The following TFDP2 variants were observed in gnomAD, a reference collection of about 807,000 sequenced individuals.
TFDP2 encodes the protein transcription factor Dp-2 (E2F dimerization partner 2).
TFDP2 carries 17 observed loss-of-function variants against 59.3 expected under a neutral mutation model. The ratio of observed to expected loss-of-function variants is 0.29; its 90% CI spans 0.20 to 0.43. The LOEUF (loss-of-function observed/expected upper bound fraction) is 0.43, where lower values mean the gene tolerates loss of function less well. Ranked by LOEUF, TFDP2 falls within the 20% of genes least tolerant of loss-of-function variation. The pLI is 1.00. For synonymous variants in TFDP2, 180 were observed against 194.7 expected, an observed-to-expected ratio of 0.92 and a Z score of 0.63; for missense variants, 391 against 528.8, an observed-to-expected ratio of 0.74 and a Z score of 2.56.
Position 142,093,129 on chromosome 3 carries a change from T to C in TFDP2, c.16-2A>G. The C allele has an allele frequency of 6.5e-7, 1 of 1,534,248 alleles. No homozygotes were observed. Among genetic ancestry groups the C allele is most frequent in the Non-Finnish European group, 8.7e-7 (1 of 1,146,788 alleles). Reference sequence around the variant, plus strand: ...TGCATTTGTGGAAGTCAAACCAACCTGAATAAAACCGTTTAAAAAGTTAAA... The same window carrying C: ...TGCATTTGTGGAAGTCAAACCAACCCGAATAAAACCGTTTAAAAAGTTAAA... On this transcript the variant is annotated splice_acceptor_variant, in intron 2 of 12. Transcript: ENST00000489671. LOFTEE classifies it high-confidence loss of function.
chr3:142,101,356 C>CAAA (rs529718660), intron 2 of TFDP2, among the ~76,000 whole-genome samples: 1 of 85,960 alleles, frequency 1.2e-5, no homozygotes, highest in Non-Finnish European at 2.5e-5. Context: ...CCTGAGTAAC[C>CAAA]AAAAAAAAAA....
intron 2 of TFDP2, chr3:142,093,876 T>C: frequency 7.1e-6 from 3 of 420,470 alleles, no homozygotes; most frequent in East Asian, 6.9e-5. Context: ...CAGGTTGTTA[T>C]AAAGACTAAA....
Position 142,049,942 on chromosome 3 carries a change from CA to C in TFDP2, c.82+43118del, listed in dbSNP as rs778460062. ...AATAGATTGCTGAAACTATAGAAGA[CA>C]AATTAATGGAGAGAAAAAACATGTT... On this transcript the variant is annotated intron_variant, in intron 3 of 12. Transcript: ENST00000489671. 6.6e-5 allele frequency among the ~76,000 whole-genome samples: 10 copies of C among 152,084 alleles called. No homozygotes were observed. In the East Asian group the frequency reaches 1.4e-3, roughly 21 times the overall value.
At chr3:142,107,782 GTTC>G (rs1158744210) in intron 1 of TFDP2, among the ~76,000 whole-genome samples, 3 of 151,998 alleles carry the variant, frequency 2.0e-5, no homozygotes, top group Non-Finnish European at 4.4e-5. Context: ...CAGCAAAAGT[GTTC>G]TTAACTACTA....
At chr3:141,993,451 C>T in intron 6 of TFDP2, 87 bp downstream of exon 6, 1 of 761,530 alleles carries the variant, frequency 1.3e-6, no homozygotes, top group Non-Finnish European at 2.1e-6. Flanking sequence ...TGAAGAAAAA[C>T]ATCGCATTAA....
intron 3 of TFDP2, among the ~76,000 whole-genome samples, chr3:142,076,210 C>CAAAAAA (rs56018016): frequency 4.5e-5 from 5 of 112,120 alleles, no homozygotes; most frequent in Non-Finnish European, 5.6e-5. Context: ...GACTCCGTCT[C>CAAAAAA]AAAAAAAAAA....
chr3:142,039,401 T>G (rs949177016), intron 3 of TFDP2, among the ~76,000 whole-genome samples: 2 of 152,172 alleles, frequency 1.3e-5, no homozygotes, highest in Non-Finnish European at 2.9e-5. Flanking sequence ...GTTGTTGTTG[T>G]TTTGAGACAG....
In TFDP2 at chr3:141,978,214, G is replaced by A. The variant is rs546592660; in HGVS notation, c.519+306C>T. Among the ~76,000 whole-genome samples, 12 of 151,718 alleles carry A rather than the reference G, an allele frequency of 7.9e-5. No individual in the cohort carries two copies. In the East Asian group the frequency reaches 2.2e-3, roughly 28 times the overall value. Reference sequence around the variant, plus strand: ...ACAAAAATTGGCTGGGAATGGTGGTGTGCGCCTGTAATCCCAGCTACGCGG... The same window carrying A: ...ACAAAAATTGGCTGGGAATGGTGGTATGCGCCTGTAATCCCAGCTACGCGG... On this transcript the variant is annotated intron_variant, in intron 7 of 12. Coordinates refer to ENST00000489671, the MANE Select transcript of TFDP2 (RefSeq NM_001178139.2).
rs138042656 is a variant in TFDP2 at position 142,069,891 on chromosome 3, G to A, written c.82+23170C>T. Reference sequence around the variant, plus strand: ...CTCAAAGTTCTGGGATTACAGGCTTGAGCCACCACGCCTGGCCTTTTTTCT... The same window carrying A: ...CTCAAAGTTCTGGGATTACAGGCTTAAGCCACCACGCCTGGCCTTTTTTCT... On this transcript the variant is annotated intron_variant, in intron 3 of 12. Transcript: ENST00000489671. Among the ~76,000 whole-genome samples, 607 of 151,666 alleles carry A rather than the reference G, an allele frequency of 4.0e-3. 4 individuals are homozygous for A. Among genetic ancestry groups the A allele is most frequent in the Non-Finnish European group, 3.6e-3 (247 of 67,910 alleles).
intron 7 of TFDP2, among the ~76,000 whole-genome samples, chr3:141,976,356 T>C (rs1423333577): frequency 6.6e-6 from 1 of 152,188 alleles, no homozygotes; most frequent in Non-Finnish European, 1.5e-5. Flanking sequence ...ACTGAAGAAC[T>C]GAGACTACAA....
intron 3 of TFDP2, among the ~76,000 whole-genome samples, chr3:142,024,028 G>A (rs1945875634): frequency 6.6e-6 from 1 of 151,994 alleles, no homozygotes; most frequent in African/African-American, 2.4e-5. Context: ...TTGAACTCCT[G>A]AGTTAAAGTG....
intron 3 of TFDP2, among the ~76,000 whole-genome samples, chr3:142,043,325 G>A (rs1004423250): frequency 1.3e-5 from 2 of 151,898 alleles, no homozygotes; most frequent in Non-Finnish European, 2.9e-5. Context: ...GGGATTACAG[G>A]CGTGAGCCAC....
chr3:142,062,429 A>T (rs182708432), intron 3 of TFDP2, among the ~76,000 whole-genome samples: 1 of 127,120 alleles, frequency 7.9e-6, no homozygotes, highest in African/African-American at 2.8e-5. Context: ...GTGTGTGTGT[A>T]TATATATAGT....
intron 1 of TFDP2, among the ~76,000 whole-genome samples, chr3:142,148,453 G>T (rs975749219): frequency 6.6e-6 from 1 of 152,150 alleles, no homozygotes; most frequent in Non-Finnish European, 1.5e-5. Flanking sequence ...AATACGTGGA[G>T]GATTTTCTTA....
intron 3 of TFDP2, among the ~76,000 whole-genome samples, chr3:142,018,536 T>C (rs115573618): frequency 0.07 from 10,581 of 151,920 alleles, 472 homozygotes; most frequent in Non-Finnish European, 0.11. Flanking sequence ...AATCACAGCT[T>C]ACTGCAGCCT....
chr3:142,074,186 A>T (rs2060358817), intron 3 of TFDP2, among the ~76,000 whole-genome samples: 1 of 151,184 alleles, frequency 6.6e-6, no homozygotes, highest in Non-Finnish European at 1.5e-5. Context: ...GGGCGGGTGG[A>T]TCACCTGAGG....
chr3:142,034,702 A>G (rs2108424609), intron 3 of TFDP2, among the ~76,000 whole-genome samples: 1 of 143,480 alleles, frequency 7.0e-6, no homozygotes, highest in South Asian at 2.3e-4. Flanking sequence ...TACTATTACA[A>G]CAATCTTCTC....
rs1307213469 is a variant in TFDP2 at position 141,950,684 on chromosome 3, TA to T, written c.*1828del. 2 of 152,622 alleles carry T rather than the reference TA, an allele frequency of 1.3e-5. No homozygotes were observed. Among genetic ancestry groups the T allele is most frequent in the East Asian group, 3.9e-4 (2 of 5,178 alleles). 9.5% of individuals were successfully genotyped at this position (152,622 alleles called of 1,614,324 possible). A position where few individuals can be genotyped will look rare whatever the true frequency, so the allele number is the denominator to read the frequency against. Reference sequence around the variant, plus strand: ...CAGAGATGAGAAAGGGTGGAGTTAGTAAAAGAGGAGGCTGCCCCTTAAAGGA... The same window carrying T: ...CAGAGATGAGAAAGGGTGGAGTTAGTAAAGAGGAGGCTGCCCCTTAAAGGA... On this transcript the variant is annotated 3_prime_UTR_variant, in exon 13 of 13. Transcript: ENST00000489671.
chr3:142,031,250 G>A (rs1168929207), intron 3 of TFDP2, among the ~76,000 whole-genome samples: 1 of 152,214 alleles, frequency 6.6e-6, no homozygotes, highest in African/African-American at 2.4e-5. Context: ...TGTTCTTGCA[G>A]AATGAATTTT....
Sources: gnomAD v4.1 joint callset for allele counts (sites outside exome capture counted in the v4.1 genomes callset) on GRCh38, gnomAD v4.1.1 for gene constraint, MANE v1.5 for transcripts, NCBI Gene and HGNC (gene_info 2026-07-23, HGNC 2026-07-21) for gene names.